The following APTX variants were observed in gnomAD, a reference collection of about 807,000 sequenced individuals.
APTX encodes aprataxin.
APTX carries 33 observed loss-of-function variants against 42.3 expected under a neutral mutation model. The observed-to-expected ratio is 0.78, with a 90% CI of 0.59 to 1.04. APTX has a LOEUF of 1.04. Ranked by LOEUF, APTX falls within the 50% of genes least tolerant of loss-of-function variation. The pLI is 0.00. For synonymous variants in APTX, 130 were observed against 146.7 expected, an observed-to-expected ratio of 0.89 and a Z score of 0.82; for missense variants, 421 against 415.1, an observed-to-expected ratio of 1.01 and a Z score of -0.12.
Position 33,001,441 on chromosome 9 carries a change from G to C in APTX, c.-5+126C>G, listed in dbSNP as rs140700891. On this transcript the variant is annotated intron_variant, in intron 1 of 7. Transcript: ENST00000379817. ...AGGGGAGGACGGAGAAAGCAGCCGT[G>C]AGAGCAGCGCATGAAAGCAGCGTCA... The C allele has an allele frequency of 1.1e-4, 171 of 1,561,174 alleles. No individual in the cohort carries two copies. The East Asian group carries it at 2.3e-3, about 21-fold the overall frequency.
intron 1 of APTX, among the ~76,000 whole-genome samples, chr9:33,021,227 G>C (rs1838356020): frequency 6.6e-6 from 1 of 151,644 alleles, no homozygotes; most frequent in African/African-American, 2.4e-5. Context: ...AAAATGCCTA[G>C]TAACACATTT....
chr9:33,018,221 C>T (rs976161329), intron 1 of APTX, among the ~76,000 whole-genome samples: 3 of 151,192 alleles, frequency 2.0e-5, no homozygotes, highest in Non-Finnish European at 4.4e-5. Context: ...AGTGATTCTC[C>T]TGCCTCAGCC....
intron 4 of APTX, 99 bp downstream of exon 4, chr9:32,987,445 C>T: frequency 6.9e-7 from 1 of 1,446,800 alleles, no homozygotes; most frequent in Non-Finnish European, 9.6e-7. Flanking sequence ...TGGTTAATAA[C>T]CCCTCACGCA....
At chr9:33,016,423 T>C (rs544192283) in intron 1 of APTX, among the ~76,000 whole-genome samples, 7 of 152,230 alleles carry the variant, frequency 4.6e-5, no homozygotes, top group African/African-American at 1.7e-4. Flanking sequence ...AGCAATCCAG[T>C]TTACAAAAAA....
At chr9:32,981,417 T>G (rs1211638651) in intron 6 of APTX, among the ~76,000 whole-genome samples, 6 of 151,950 alleles carry the variant, frequency 3.9e-5, no homozygotes, top group African/African-American at 1.5e-4. Flanking sequence ...ATTATAGGGG[T>G]GTGTATGTGT....
intron 1 of APTX, among the ~76,000 whole-genome samples, chr9:33,015,371 T>C (rs917896778): frequency 7.2e-5 from 11 of 152,170 alleles, no homozygotes; most frequent in Admixed American, 3.3e-4. Flanking sequence ...TTTTCTTTTC[T>C]TTTTTTGAGA....
In APTX at chr9:33,015,597, T is replaced by A. The variant is rs554637933; in HGVS notation, c.-5+9426A>T. ...TGGCCTTGAACTCCTGATCTCATGA[T>A]CTGCCTGCCTCAGTCTCCCAAAGTG... On this transcript the variant is annotated intron_variant, in intron 1 of 6. Transcript: ENST00000436040. Among the ~76,000 whole-genome samples, 229 of 152,332 alleles carry A rather than the reference T, an allele frequency of 1.5e-3. 1 individual carries two copies. The highest frequency in any genetic ancestry group is 5.3e-3 in the African/African-American group (219 of 41,574).
intron 1 of APTX, among the ~76,000 whole-genome samples, chr9:32,996,376 A>C (rs551801801): frequency 1.4e-4 from 22 of 152,156 alleles, no homozygotes; most frequent in Admixed American, 1.3e-3. Context: ...CTTGGGCTAA[A>C]GTGGTCCTCC....
At chr9:33,004,069 A>G (rs1332793997), upstream of APTX, among the ~76,000 whole-genome samples, 1 of 152,246 alleles carries the variant, frequency 6.6e-6, no homozygotes, top group Non-Finnish European at 1.5e-5. Flanking sequence ...GTACATATAC[A>G]CCACAGAATA....
intron 5 of APTX, 47 bp from the exon 6 acceptor site, chr9:32,984,904 T>A (rs756462156): frequency 6.5e-7 from 1 of 1,528,182 alleles, no homozygotes; most frequent in Non-Finnish European, 9.1e-7. Flanking sequence ...ACTAAGAATC[T>A]TCTGTGTGCC....
Position 33,015,712 on chromosome 9 carries a change from A to G in APTX, c.-5+9311T>C, listed in dbSNP as rs114814427. ...GAATGCCACAATACACCAATCTTAA[A>G]ACAAGGTTGCTGCCACATGCATGCA... On this transcript the variant is annotated intron_variant, in intron 1 of 6. Coordinates refer to the APTX transcript ENST00000436040. Among the ~76,000 whole-genome samples, 630 of 152,314 alleles carry G rather than the reference A, an allele frequency of 4.1e-3. 8 individuals are homozygous for G. Among genetic ancestry groups the G allele is most frequent in the African/African-American group, 0.015 (606 of 41,554 alleles).
chr9:32,978,043 A>C (rs1380846209), intron 6 of APTX, among the ~76,000 whole-genome samples: 1 of 152,208 alleles, frequency 6.6e-6, no homozygotes, highest in Non-Finnish European at 1.5e-5. Context: ...TTTGAAAAGC[A>C]TAACAAATTT....
At chr9:32,995,681 A>T in intron 1 of APTX, among the ~76,000 whole-genome samples, 1 of 152,070 alleles carries the variant, frequency 6.6e-6, no homozygotes, top group Admixed American at 6.5e-5. Flanking sequence ...AGGTCAGGAG[A>T]TCGAGACCAT....
At chr9:33,003,967 C>G (rs1428320599), upstream of APTX, among the ~76,000 whole-genome samples, 2 of 152,166 alleles carry the variant, frequency 1.3e-5, no homozygotes. Flanking sequence ...GTATAAATAT[C>G]TCTTTGAGAT....
chr9:32,984,552 G>A, intron 6 of APTX, 79 bp downstream of exon 6: 3 of 1,418,850 alleles, frequency 2.1e-6, no homozygotes, highest in Non-Finnish European at 3.0e-6. Flanking sequence ...TGCAATATGT[G>A]CCCTCAGCAA....
chr9:33,024,575 G>A (rs1192392832), intron 1 of APTX, among the ~76,000 whole-genome samples: 1 of 152,146 alleles, frequency 6.6e-6, no homozygotes, highest in East Asian at 1.9e-4. Context: ...ACGGCCCTCT[G>A]TACATCAAAG....
intron 6 of APTX, among the ~76,000 whole-genome samples, chr9:32,982,743 T>A (rs1015168711): frequency 1.3e-5 from 2 of 152,178 alleles, no homozygotes; most frequent in Non-Finnish European, 2.9e-5. Flanking sequence ...GGCATCACGA[T>A]CACTACGTGA....
At chr9:33,020,598 T>A (rs949065637) in intron 1 of APTX, among the ~76,000 whole-genome samples, 2 of 152,206 alleles carry the variant, frequency 1.3e-5, no homozygotes, top group Non-Finnish European at 2.9e-5. Flanking sequence ...GTAGAGTGTT[T>A]AGCGCAGTGC....
At chr9:33,015,083 G>C (rs1357314361) in intron 1 of APTX, among the ~76,000 whole-genome samples, 1 of 152,084 alleles carries the variant, frequency 6.6e-6, no homozygotes, top group Non-Finnish European at 1.5e-5. Context: ...GTTCCATTTT[G>C]TTACTACCCG....
Sources: allele counts gnomAD v4.1 joint callset (sites outside exome capture counted in the v4.1 genomes callset), GRCh38; gene constraint gnomAD v4.1.1; transcripts MANE v1.5; gene names NCBI Gene and HGNC (gene_info 2026-07-23, HGNC 2026-07-21).